The following VKORC1L1 variants were observed in gnomAD, a reference collection of about 807,000 sequenced individuals.
VKORC1L1 encodes the protein vitamin K epoxide reductase complex subunit 1-like protein 1.
A neutral mutation model predicts 18.9 loss-of-function variants in VKORC1L1; 2 were observed. The observed-to-expected ratio is 0.11, with a 90% CI of 0.04 to 0.33. The LOEUF is 0.33. Ranked by LOEUF, VKORC1L1 falls within the 10% of genes least tolerant of loss-of-function variation. The pLI is 1.00. For synonymous variants in VKORC1L1, 96 were observed against 100.0 expected (o/e 0.96, Z 0.24); for missense variants, 123 against 224.1 (o/e 0.55, Z 2.88).
chr7:65,949,976 AAC>A (rs1318904041), intron 2 of VKORC1L1, among the ~76,000 whole-genome samples: 1 of 152,204 alleles, frequency 6.6e-6, no homozygotes, highest in Admixed American at 6.5e-5. Flanking sequence ...AGTATCAAAA[AAC>A]ACAGATATTT....
upstream of VKORC1L1, among the ~76,000 whole-genome samples, chr7:65,871,362 AT>A (rs1259991445): frequency 2.0e-5 from 3 of 151,884 alleles, no homozygotes; most frequent in Admixed American, 2.0e-4. Context: ...CATCCGGCTA[AT>A]TTTTGTATTT....
intron 1 of VKORC1L1, among the ~76,000 whole-genome samples, chr7:65,895,872 G>A (rs1262011073): frequency 6.8e-6 from 1 of 146,804 alleles, no homozygotes; most frequent in Non-Finnish European, 1.5e-5. Context: ...GAAAAAAAGA[G>A]AACTATCTTG....
chr7:65,927,230 TGA>T (rs1322808054), intron 1 of VKORC1L1, among the ~76,000 whole-genome samples: 2 of 151,870 alleles, frequency 1.3e-5, no homozygotes, highest in African/African-American at 4.8e-5. Flanking sequence ...AAGGTTGCAG[TGA>T]GCCAAGATCG....
intron 1 of VKORC1L1, among the ~76,000 whole-genome samples, chr7:65,935,974 C>CTT (rs201626661): frequency 1.4e-5 from 2 of 148,044 alleles, no homozygotes; most frequent in Non-Finnish European, 3.0e-5. Flanking sequence ...AGTCTCTATT[C>CTT]TTTTTTTTTT....
intron 1 of VKORC1L1, among the ~76,000 whole-genome samples, chr7:65,903,944 T>C (rs1307665959): frequency 6.6e-6 from 1 of 152,158 alleles, no homozygotes; most frequent in Non-Finnish European, 1.5e-5. Context: ...AGAATTTTTT[T>C]TCCATTTTAT....
At chr7:65,946,300 C>A (rs1286343861) in intron 1 of VKORC1L1, among the ~76,000 whole-genome samples, 2 of 151,338 alleles carry the variant, frequency 1.3e-5, no homozygotes, top group Admixed American at 1.3e-4. Context: ...GATTGCTTAC[C>A]ATCACTCAGG....
At chr7:65,912,633 G>A (rs536411619) in intron 1 of VKORC1L1, among the ~76,000 whole-genome samples, 2 of 152,198 alleles carry the variant, frequency 1.3e-5, no homozygotes, top group South Asian at 2.1e-4. Flanking sequence ...GTCGTGGCTC[G>A]TACCCTTTGA....
intron 1 of VKORC1L1, among the ~76,000 whole-genome samples, chr7:65,926,988 T>C (rs1315877181): frequency 1.3e-5 from 2 of 151,640 alleles, no homozygotes; most frequent in East Asian, 3.9e-4. Flanking sequence ...AGGTGAGGGA[T>C]AATACACATA....
At chr7:65,889,977 G>A (rs1789083793) in intron 1 of VKORC1L1, among the ~76,000 whole-genome samples, 1 of 151,790 alleles carries the variant, frequency 6.6e-6, no homozygotes, top group Non-Finnish European at 1.5e-5. Flanking sequence ...TGTTTTTGGA[G>A]ACTGAGTTTC....
chr7:65,900,477 T>C (rs2116390437), intron 1 of VKORC1L1, among the ~76,000 whole-genome samples: 1 of 152,098 alleles, frequency 6.6e-6, no homozygotes, highest in Middle Eastern at 3.4e-3. Context: ...GTGAATTAAC[T>C]GCTGTTTGTT....
chr7:65,898,077 G>GTTTTTTTTT (rs71051319), intron 1 of VKORC1L1, among the ~76,000 whole-genome samples: 1 of 82,970 alleles, frequency 1.2e-5, no homozygotes, highest in Non-Finnish European at 2.4e-5. Flanking sequence ...TTTGTAGCAG[G>GTTTTTTTTT]TTTTTTTTTT....
intron 1 of VKORC1L1, among the ~76,000 whole-genome samples, chr7:65,936,810 A>G (rs1350441191): frequency 1.3e-5 from 2 of 152,210 alleles, no homozygotes; most frequent in Non-Finnish European, 2.9e-5. Flanking sequence ...TCTCTCAGAC[A>G]GTTTTAACCT....
intron 1 of VKORC1L1, among the ~76,000 whole-genome samples, chr7:65,912,770 G>A (rs1454721285): frequency 1.3e-5 from 2 of 152,040 alleles, no homozygotes; most frequent in Admixed American, 6.6e-5. Context: ...TTGAAACAAA[G>A]TACTAGAAAA....
chr7:65,945,314 A>G (rs1352476513), intron 1 of VKORC1L1, among the ~76,000 whole-genome samples: 2 of 151,544 alleles, frequency 1.3e-5, no homozygotes, highest in Non-Finnish European at 2.9e-5. Context: ...GTGGAAGTAA[A>G]TAAGAGTGAA....
intron 1 of VKORC1L1, among the ~76,000 whole-genome samples, chr7:65,877,083 T>A (rs549505774): frequency 1.3e-5 from 2 of 152,264 alleles, no homozygotes; most frequent in South Asian, 2.1e-4. Context: ...TTTGCCAGAT[T>A]AGTGTTACGA....
intron 1 of VKORC1L1, among the ~76,000 whole-genome samples, chr7:65,885,810 A>G (rs1656814918): frequency 6.6e-6 from 1 of 152,106 alleles, no homozygotes; most frequent in Non-Finnish European, 1.5e-5. Context: ...CTGATAGGGC[A>G]AATATGCTCA....
chr7:65,907,953 G>T (rs933077099), intron 1 of VKORC1L1, among the ~76,000 whole-genome samples: 1 of 151,946 alleles, frequency 6.6e-6, no homozygotes, highest in Non-Finnish European at 1.5e-5. Flanking sequence ...ATGAAAATGT[G>T]CTCTGGTCCC....
At chr7:65,938,992 A>C (rs1191448775) in intron 1 of VKORC1L1, among the ~76,000 whole-genome samples, 2 of 152,212 alleles carry the variant, frequency 1.3e-5, no homozygotes, top group Non-Finnish European at 2.9e-5. Flanking sequence ...AACCTCAGAG[A>C]GCTGTCTGAA....
At chr7:65,878,741 A>G (rs1026876294) in intron 1 of VKORC1L1, among the ~76,000 whole-genome samples, 1 of 151,912 alleles carries the variant, frequency 6.6e-6, no homozygotes, top group African/African-American at 2.4e-5. Flanking sequence ...CGTCTCTACT[A>G]AAAATACAAA....
Sources: gnomAD v4.1 joint callset for allele counts (sites outside exome capture counted in the v4.1 genomes callset) on GRCh38, gnomAD v4.1.1 for gene constraint, MANE v1.5 for transcripts, NCBI Gene and HGNC (gene_info 2026-07-23, HGNC 2026-07-21) for gene names.